Variants in FSAF1 observed in about 807,000 individuals in gnomAD.
FSAF1 encodes uncharacterized protein C1orf131.
At chr1:231,231,754 G>C in the FSAF1 span, among the ~76,000 whole-genome samples, 1 of 152,172 alleles carries the variant, frequency 6.6e-6, no homozygotes, top group Non-Finnish European at 1.5e-5. Flanking sequence ...GCCTACAAAA[G>C]AAAGGAGCAA....
the FSAF1 span, chr1:231,240,999 T>A: frequency 6.3e-7 from 1 of 1,591,588 alleles, no homozygotes. This position sits in a 1 kb window ranked among gnomAD's most constrained non-coding sequence, Gnocchi z 4.1. Context: ...GTTCTCCACG[T>A]GGGCTCCTGG....
At chr1:231,232,064 C>A in the FSAF1 span, among the ~76,000 whole-genome samples, 6 of 152,194 alleles carry the variant, frequency 3.9e-5, no homozygotes, top group South Asian at 1.2e-3. Context: ...ATTCTTGCCT[C>A]ATTATTTCAT....
the FSAF1 span, chr1:231,226,676 A>G: frequency 7.0e-7 from 1 of 1,431,562 alleles, no homozygotes; most frequent in East Asian, 2.3e-5. Flanking sequence ...CCGGCATTCC[A>G]CTGTGGCAAA....
At chr1:231,236,227 A>C in the FSAF1 span, among the ~76,000 whole-genome samples, 2 of 152,254 alleles carry the variant, frequency 1.3e-5, no homozygotes, top group Non-Finnish European at 2.9e-5. Flanking sequence ...AGGATATGCC[A>C]TAAGAACTAG....
At chr1:231,228,369 C>T in the FSAF1 span, among the ~76,000 whole-genome samples, 3 of 152,008 alleles carry the variant, frequency 2.0e-5, no homozygotes, top group African/African-American at 7.2e-5. Flanking sequence ...GAGGACAGGC[C>T]AGGTAGATCA....
At chr1:231,240,386 C>CA in the FSAF1 span, among the ~76,000 whole-genome samples, 51 of 152,168 alleles carry the variant, frequency 3.4e-4, no homozygotes, top group Non-Finnish European at 6.2e-4. This position sits in a 1 kb window ranked among gnomAD's most constrained non-coding sequence, Gnocchi z 4.1. Flanking sequence ...GGTGCATGTG[C>CA]AAAGGGTGTC....
the FSAF1 span, chr1:231,238,250 A>G: frequency 6.6e-6 from 1 of 152,212 alleles, no homozygotes; most frequent in Non-Finnish European, 1.5e-5. Flanking sequence ...ATTTTAGGTG[A>G]GATTTACAAG....
At chr1:231,233,913 TAAAAG>T in the FSAF1 span, among the ~76,000 whole-genome samples, 1 of 152,150 alleles carries the variant, frequency 6.6e-6, no homozygotes, top group East Asian at 1.9e-4. Flanking sequence ...GCACCAATCT[TAAAAG>T]AAAAGGGATC....
the FSAF1 span, chr1:231,241,024 C>T: frequency 6.2e-7 from 1 of 1,613,430 alleles, no homozygotes; most frequent in African/African-American, 1.3e-5. Flanking sequence ...CCGCACTCAC[C>T]AAAGTCGTAA....
At chr1:231,236,307 T>C in the FSAF1 span, among the ~76,000 whole-genome samples, 2 of 152,198 alleles carry the variant, frequency 1.3e-5, no homozygotes, top group Non-Finnish European at 2.9e-5. Context: ...CAGGTGTATG[T>C]GTTTTTAATG....
chr1:231,233,559 AT>A, the FSAF1 span, among the ~76,000 whole-genome samples: 4 of 150,596 alleles, frequency 2.7e-5, no homozygotes, highest in East Asian at 1.9e-4. Flanking sequence ...TGAACAAAAA[AT>A]TTTTTTTTTT....
the FSAF1 span, chr1:231,236,928 A>G: frequency 2.9e-4 from 44 of 152,290 alleles, no homozygotes; most frequent in African/African-American, 1.1e-3. Flanking sequence ...TATTTGGAAC[A>G]TAAGAGTTAA....
At chr1:231,225,423 T>G in the FSAF1 span, 1 of 1,560,954 alleles carries the variant, frequency 6.4e-7, no homozygotes, top group Non-Finnish European at 8.8e-7. Flanking sequence ...AACTCATCAG[T>G]AGGTTCATCC....
At chr1:231,225,479 C>T in the FSAF1 span, 1 of 1,613,848 alleles carries the variant, frequency 6.2e-7, no homozygotes, top group Non-Finnish European at 8.5e-7. Flanking sequence ...ACCTGTCCTC[C>T]TGTCCTTTCC....
the FSAF1 span, among the ~76,000 whole-genome samples, chr1:231,228,509 G>A: frequency 1.3e-5 from 2 of 151,398 alleles, no homozygotes; most frequent in South Asian, 2.1e-4. Context: ...TGAAGTCGGA[G>A]GATCACTTGA....
chr1:231,236,846 C>T, the FSAF1 span: 2 of 152,124 alleles, frequency 1.3e-5, no homozygotes, highest in South Asian at 2.1e-4. Flanking sequence ...TGGCCAGCTT[C>T]GGGGCTCTGG....
chr1:231,239,342 G>A, the FSAF1 span, among the ~76,000 whole-genome samples: 1 of 152,216 alleles, frequency 6.6e-6, no homozygotes, highest in Non-Finnish European at 1.5e-5. Context: ...TCAAATAAGT[G>A]TATTTGCAAA....
the FSAF1 span, chr1:231,239,265 T>C: frequency 7.8e-7 from 1 of 1,278,112 alleles, no homozygotes; most frequent in Non-Finnish European, 1.1e-6. Context: ...TACGAATGTA[T>C]TTGTACATAT....
the FSAF1 span, chr1:231,225,859 AT>A: frequency 3.2e-6 from 1 of 311,784 alleles, no homozygotes; most frequent in East Asian, 6.8e-5. Flanking sequence ...GTGAATGGCT[AT>A]TCCAGGTAAG....
Sources: allele counts gnomAD v4.1 joint callset (sites outside exome capture counted in the v4.1 genomes callset), GRCh38; gene constraint gnomAD v4.1.1; non-coding constraint Gnocchi (gnomAD v3.1); transcripts MANE v1.5; gene names NCBI Gene and HGNC (gene_info 2026-07-23, HGNC 2026-07-21).